Variants in ALG6 observed in about 807,000 individuals in gnomAD.
ALG6 encodes dolichyl pyrophosphate Man9GlcNAc2 alpha-1,3-glucosyltransferase.
Under a neutral mutation model 66.6 loss-of-function variants are expected in ALG6, and 46 were observed. That is an observed-to-expected ratio of 0.69 (90% CI 0.55 to 0.88). The LOEUF (loss-of-function observed/expected upper bound fraction) is 0.88. Among genes scored for constraint, ALG6 ranks in the 40% least tolerant of loss-of-function variants. ALG6 has a pLI of 0.00. For synonymous variants in ALG6, 185 were observed against 203.7 expected (o/e 0.91, Z 0.78); for missense variants, 505 against 586.8 (o/e 0.86, Z 1.44).
rs182985378 is a variant in ALG6, at chr1:63,422,640, G to A, written c.1058+3200G>A. On this transcript the variant is annotated intron_variant, in intron 12 of 14. Transcript: ENST00000263440. ...GCCAGTGTTGGTGGAGCAATGCACG[G>A]AGAAGCCTGATTAGGTAGGGTTAAG... 9.7e-3 allele frequency among the ~76,000 whole-genome samples: 1,462 copies of A among 151,426 alleles called. 15 individuals carry two copies. The highest frequency in any genetic ancestry group is 0.015 in the Non-Finnish European group (1,045 of 67,874).
At chr1:63,371,538 T>C (rs1486825928) in intron 2 of ALG6, among the ~76,000 whole-genome samples, 8 of 152,176 alleles carry the variant, frequency 5.3e-5, no homozygotes, top group African/African-American at 1.2e-4. Context: ...TTCCCGGCAC[T>C]GTGCTAGCTT....
At chr1:63,377,079 A>G (rs1648157401) in intron 2 of ALG6, among the ~76,000 whole-genome samples, 1 of 151,952 alleles carries the variant, frequency 6.6e-6, no homozygotes, top group Admixed American at 6.6e-5. Flanking sequence ...CTCCTGCCTC[A>G]GCCTCCCTAG....
intron 2 of ALG6, among the ~76,000 whole-genome samples, chr1:63,379,613 C>T (rs954854220): frequency 6.6e-6 from 1 of 151,876 alleles, no homozygotes; most frequent in African/African-American, 2.4e-5. Context: ...CAAATGCTTA[C>T]TTCTCTGAAT....
chr1:63,417,998 C>T (rs1334449871), intron 11 of ALG6, among the ~76,000 whole-genome samples: 1 of 151,798 alleles, frequency 6.6e-6, no homozygotes. Context: ...TGCCAGGCGT[C>T]GTGGTTCATG....
chr1:63,400,940 A>G (rs1218440036), intron 3 of ALG6, among the ~76,000 whole-genome samples: 1 of 152,216 alleles, frequency 6.6e-6, no homozygotes, highest in Non-Finnish European at 1.5e-5. Context: ...GCCTGTCTTC[A>G]GGTATCTCTG....
Position 63,381,617 on chromosome 1 carries a change from C to G in ALG6, c.82+10558C>G, listed in dbSNP as rs575149876. On this transcript the variant is annotated intron_variant, in intron 2 of 14. Coordinates refer to ENST00000263440, the MANE Select transcript of ALG6 (RefSeq NM_013339.4). ...CCGTGATCACACCACTGGACTCCAG[C>G]CTGGGTGACAGAACAAGACCCTGTT... Among the ~76,000 whole-genome samples the G allele has an allele frequency of 1.1e-4, 17 of 151,160 alleles. No homozygotes were observed. In the South Asian group the frequency reaches 3.6e-3, roughly 32 times the overall value.
chr1:63,413,526 G>T, intron 9 of ALG6: 30 of 151,840 alleles, frequency 2.0e-4, no homozygotes, highest in South Asian at 8.3e-4. Flanking sequence ...GCTGTGTAGA[G>T]AACGGATTTC....
chr1:63,429,187 TGAA>T, intron 14 of ALG6, 61 bp downstream of exon 14: 1 of 1,220,642 alleles, frequency 8.2e-7, no homozygotes, highest in East Asian at 2.5e-5. Context: ...AAAAAATTAT[TGAA>T]GTAGTGATTT....
intron 7 of ALG6, among the ~76,000 whole-genome samples, chr1:63,408,793 C>T (rs941689976): frequency 1.3e-5 from 2 of 152,066 alleles, no homozygotes; most frequent in Non-Finnish European, 2.9e-5. Flanking sequence ...TCTTTTGAGA[C>T]GGAGTTTCGG....
intron 6 of ALG6, among the ~76,000 whole-genome samples, chr1:63,406,684 G>A (rs1422381083): frequency 6.6e-6 from 1 of 152,062 alleles, no homozygotes; most frequent in Non-Finnish European, 1.5e-5. Context: ...GCTGGCTTGT[G>A]AGATTGACCA....
intron 2 of ALG6, among the ~76,000 whole-genome samples, chr1:63,394,333 G>T (rs775685398): frequency 2.0e-5 from 3 of 152,052 alleles, no homozygotes; most frequent in Non-Finnish European, 4.4e-5. Flanking sequence ...TAGTGAGTGG[G>T]TGTTTACTCT....
chr1:63,427,787 CTTTTTTTTTTTTT>C (rs540658412), intron 12 of ALG6, among the ~76,000 whole-genome samples: 4 of 109,978 alleles, frequency 3.6e-5, no homozygotes, highest in Non-Finnish European at 7.1e-5. Flanking sequence ...CCCTAAACAA[CTTTTTTTTTTTTT>C]TTTTTTTTTT....
intron 11 of ALG6, among the ~76,000 whole-genome samples, chr1:63,416,190 A>G (rs1297335948): frequency 6.6e-6 from 1 of 152,204 alleles, no homozygotes; most frequent in Non-Finnish European, 1.5e-5. Flanking sequence ...TTAATGAGGG[A>G]CTACAAAGTA....
rs1328462587 is a variant in ALG6 at position 63,433,894 on chromosome 1, T to C, written c.1327-2929T>C. Among the ~76,000 whole-genome samples, 1 of 152,174 alleles carries C rather than the reference T, an allele frequency of 6.6e-6. No homozygotes were observed. The highest frequency in any genetic ancestry group is 2.4e-5 in the African/African-American group (1 of 41,450). ...CAACAAAGCAAGGGAGAAATCGATA[T>C]GATATGCAGGAGGGATGAATGCAAT... On this transcript the variant is annotated intron_variant, in intron 14 of 14. Transcript: ENST00000263440. This position sits in a 1 kb window ranked among gnomAD's most constrained non-coding sequence, Gnocchi z 4.2.
intron 14 of ALG6, among the ~76,000 whole-genome samples, chr1:63,435,820 A>T (rs370200619): frequency 6.6e-6 from 1 of 152,180 alleles, no homozygotes; most frequent in South Asian, 2.1e-4. Flanking sequence ...AGCAGCTACT[A>T]TACTGGAGTG....
chr1:63,416,054 C>A, intron 11 of ALG6, 97 bp downstream of exon 11: 1 of 898,654 alleles, frequency 1.1e-6, no homozygotes, highest in Non-Finnish European at 1.8e-6. Flanking sequence ...GGTTGGGAAA[C>A]AAGACATTCA....
chr1:63,402,358 C>G lies in ALG6; in HGVS notation c.257+15C>G. 6.4e-7 allele frequency: 1 copy of G among 1,553,240 alleles called. No individual in the cohort carries two copies. Among genetic ancestry groups the G allele is most frequent in the Non-Finnish European group, 8.9e-7 (1 of 1,127,746 alleles). ...TGTGCATATGTGTAAGTTTTTCTTT[C>G]TTAATGTAACTCTAAATTTTTATGC... On this transcript the variant is annotated intron_variant, in intron 4 of 14. Coordinates refer to ENST00000263440, the MANE Select transcript of ALG6 (RefSeq NM_013339.4).
Position 63,429,107 on chromosome 1 carries a change from C to G in ALG6, c.1307C>G (p.Ser436Cys). The G allele has an allele frequency of 6.3e-7, 1 of 1,599,074 alleles. No individual in the cohort carries two copies. The highest frequency in any genetic ancestry group is 8.5e-7 in the Non-Finnish European group (1 of 1,170,964). Residue 436 changes from serine to cysteine, a missense_variant, in exon 14 of 15, where the codon TCC becomes TGC. Coordinates refer to ENST00000263440, the MANE Select transcript of ALG6 (RefSeq NM_013339.4). ...RKYLPCFTFL[S>C]RIIQYLFLIS... ...TATCTTCCATGTTTTACATTTCTTT[C>G]CAGAATTATACAATATTTGGTAAGT...
intron 2 of ALG6, among the ~76,000 whole-genome samples, chr1:63,387,692 C>T (rs1312802899): frequency 2.0e-5 from 3 of 151,546 alleles, no homozygotes; most frequent in Non-Finnish European, 2.9e-5. Flanking sequence ...CAGGTGTGCA[C>T]CACCACGCCC....
Sources: gnomAD v4.1 joint callset for allele counts (sites outside exome capture counted in the v4.1 genomes callset) on GRCh38, gnomAD v4.1.1 for gene constraint, Gnocchi (gnomAD v3.1) non-coding constraint, MANE v1.5 for transcripts, NCBI Gene and HGNC (gene_info 2026-07-23, HGNC 2026-07-21) for gene names.